POLI: variants seen among roughly 807,000 people sequenced by gnomAD.
POLI encodes the protein RAD30 homolog B.
POLI carries 58 observed loss-of-function variants against 51.6 expected under a neutral mutation model. That is an observed-to-expected ratio of 1.12 (90% confidence interval 0.91 to 1.40). The LOEUF is 1.40. Ranked by LOEUF, POLI falls within the 40% of genes most tolerant of loss-of-function variation. The pLI is 0.00. For synonymous variants in POLI, 322 were observed against 299.7 expected, an observed-to-expected ratio of 1.07 and a Z score of -0.77; for missense variants, 921 against 871.3, an observed-to-expected ratio of 1.06 and a Z score of -0.72.
downstream of POLI, among the ~76,000 whole-genome samples, chr18:54,298,677 A>G (rs934393591): frequency 7.0e-6 from 1 of 142,700 alleles, no homozygotes; most frequent in African/African-American, 2.6e-5. Context: ...TGCAACCTCC[A>G]TCTCCTGGGT....
Position 54,294,389 on chromosome 18 carries a change from A to G in POLI, c.2145A>G (p.Glu715=), listed in dbSNP as rs1422525249. Residue 715 remains glutamate, a synonymous_variant, in exon 10 of 10, where the codon GAA becomes GAG. Coordinates refer to ENST00000579534, the MANE Select transcript of POLI (RefSeq NM_007195.3). ...PSDIDPQVFY[E]LPEAVQKELL... is the part of the protein sequence containing the mutation. ...ACATTGATCCTCAAGTTTTCTATGA[A>G]CTACCAGAAGCAGTACAAAAGGAAC... 6.2e-7 allele frequency: 1 copy of G among 1,613,452 alleles called. No homozygotes were observed. Among genetic ancestry groups the G allele is most frequent in the Non-Finnish European group, 8.5e-7 (1 of 1,179,636 alleles).
chr18:54,294,224 A>C lies in POLI; in HGVS notation c.1980A>C (p.Pro660=). The change falls in exon 10 of 10, where the codon CCA becomes CCC. Residue 660 remains proline (P), a synonymous_variant. Coordinates refer to ENST00000579534, the MANE Select transcript of POLI (RefSeq NM_007195.3). ...CTGTGTCTGCTTTTCATTCATTTCCAAACTTGCAGAGTGAGCAACTTTTCT... is the reference window on the plus strand; with the variant it reads ...CTGTGTCTGCTTTTCATTCATTTCCCAACTTGCAGAGTGAGCAACTTTTCT... ...NPAVSAFHSF[P]NLQSEQLFSR... is the part of the protein sequence containing the mutation. 6.2e-7 allele frequency: 1 copy of C among 1,613,702 alleles called. No individual in the cohort carries two copies. The highest frequency in any genetic ancestry group is 8.5e-7 in the Non-Finnish European group (1 of 1,179,704).
rs193288314 is a variant in POLI, at chr18:54,279,239, T to G, written c.559+1384T>G. ...GTACAAAAAATACCCATTATGTCTT[T>G]TCTTTTTTTTTTTTTTTTTTTGAGA... On this transcript the variant is annotated intron_variant, in intron 4 of 9. Coordinates refer to ENST00000579534, the MANE Select transcript of POLI (RefSeq NM_007195.3). Among the ~76,000 whole-genome samples, 843 of 138,838 alleles carry G rather than the reference T, an allele frequency of 6.1e-3. 7 individuals carry two copies. Among genetic ancestry groups the G allele is most frequent in the African/African-American group, 0.021 (708 of 34,056 alleles). The allele number at this position is 138,838 out of a possible 152,430, so 91.1% of individuals were successfully genotyped here. A position where few individuals can be genotyped will look rare whatever the true frequency, so the allele number is the denominator to read the frequency against.
At chr18:54,300,369 C>T (rs1391543017), downstream of POLI, among the ~76,000 whole-genome samples, 1 of 152,030 alleles carries the variant, frequency 6.6e-6, no homozygotes, top group African/African-American at 2.4e-5. Flanking sequence ...TTAAACTAAA[C>T]ATGAAGTGGT....
At chr18:54,320,939 C>T (rs1328491442) in intron 4 of POLI, 1 of 152,094 alleles carries the variant, frequency 6.6e-6, no homozygotes, top group East Asian at 1.9e-4. Flanking sequence ...TGCATACCTA[C>T]AGTACTGTAT....
chr18:54,284,820 G>C lies in POLI; in HGVS notation c.1067+807G>C, dbSNP rs1272693732. 2.0e-5 allele frequency: 3 copies of C among 152,174 alleles called. No homozygotes were observed. The East Asian group carries it at 5.8e-4, about 29-fold the overall frequency. The allele number at this position is 152,174 out of a possible 1,614,324, so 9.4% of individuals were successfully genotyped here. A position where few individuals can be genotyped will look rare whatever the true frequency, so the allele number is the denominator to read the frequency against. ...GAGTAGTACAAGATAAACTGAAAAGGAAATTTAATTTTGTGGTGCTCCTTG... is the reference window on the plus strand; with the variant it reads ...GAGTAGTACAAGATAAACTGAAAAGCAAATTTAATTTTGTGGTGCTCCTTG... On this transcript the variant is annotated intron_variant, in intron 7 of 9. Coordinates refer to ENST00000579534, the MANE Select transcript of POLI (RefSeq NM_007195.3).
chr18:54,299,634 A>G (rs1332120340), downstream of POLI, among the ~76,000 whole-genome samples: 1 of 152,204 alleles, frequency 6.6e-6, no homozygotes, highest in Non-Finnish European at 1.5e-5. Context: ...GCTATGAGAC[A>G]ACTTCAGGCA....
At position 54,294,421 on chromosome 18, in the gene POLI, C is replaced by T; in HGVS notation, c.2177C>T (p.Ala726Val). ...GAAGCAGTACAAAAGGAACTGCTGGCAGAGTGGAAGAGAGCAGGATCAGAT... is the reference window on the plus strand; with the variant it reads ...GAAGCAGTACAAAAGGAACTGCTGGTAGAGTGGAAGAGAGCAGGATCAGAT... ...LPEAVQKELL[A>V]EWKRAGSDFH... The change falls in exon 10 of 10, where the codon GCA becomes GTA. Residue 726 changes from alanine to valine, a missense_variant. Physicochemically the swap from Ala to Val is moderately conservative, Grantham distance 64 (BLOSUM62 0). Coordinates refer to ENST00000579534, the MANE Select transcript of POLI (RefSeq NM_007195.3). 6.2e-7 allele frequency: 1 copy of T among 1,611,414 alleles called. No homozygotes were observed. The highest frequency in any genetic ancestry group is 1.1e-5 in the South Asian group (1 of 90,706).
intron 3 of POLI, among the ~76,000 whole-genome samples, chr18:54,307,862 G>A (rs1166708049): frequency 6.7e-6 from 1 of 149,434 alleles, no homozygotes; most frequent in Non-Finnish European, 1.5e-5. Context: ...TTTGATTTTT[G>A]TTGGTTTAAA....
rs774137997 is a variant in POLI at position 54,295,233 on chromosome 18, C to T, written c.*766C>T. 2.0e-5 allele frequency: 20 copies of T among 985,198 alleles called. No individual in the cohort carries two copies. The highest frequency in any genetic ancestry group is 2.4e-5 in the Non-Finnish European group (20 of 829,856). 61.0% of individuals were successfully genotyped at this position (985,198 alleles called of 1,614,324 possible). ...ACTGGATAATGGAAGAAGTCCATTT[C>T]TTTCTAGCTAGTTTGAAGGGCCTAA... is the stretch of plus-strand genomic sequence containing the variant. On this transcript the variant is annotated 3_prime_UTR_variant, in exon 10 of 10. Transcript: ENST00000579534.
At chr18:54,284,770 G>A (rs148432533) in intron 7 of POLI, 1 of 152,264 alleles carries the variant, frequency 6.6e-6, no homozygotes, top group African/African-American at 2.4e-5. Context: ...TATGTAAAGA[G>A]TATCAACTGG....
chr18:54,306,518 T>C (rs1301143085), intron 3 of POLI, among the ~76,000 whole-genome samples: 2 of 146,372 alleles, frequency 1.4e-5, no homozygotes, highest in East Asian at 1.9e-4. Context: ...TCATCAGGGA[T>C]ATTGGTCTAA....
chr18:54,278,407 G>C (rs1421236286), intron 4 of POLI, among the ~76,000 whole-genome samples: 1 of 152,206 alleles, frequency 6.6e-6, no homozygotes, highest in Non-Finnish European at 1.5e-5. Context: ...TCTCTAAGCA[G>C]AGTTTTCAGG....
At chr18:54,309,353 C>T (rs766376559) in intron 3 of POLI, among the ~76,000 whole-genome samples, 29 of 152,182 alleles carry the variant, frequency 1.9e-4, no homozygotes, top group African/African-American at 3.6e-4. Context: ...CTCAGCTGCA[C>T]GTCTGTTGGA....
chr18:54,314,176 C>CA lies in POLI; in HGVS notation c.334-6093dup, dbSNP rs566645018. Among the ~76,000 whole-genome samples the CA allele has an allele frequency of 2.6e-4, 39 of 152,206 alleles. 1 individual carries two copies. In the South Asian group the frequency reaches 7.5e-3, roughly 29 times the overall value. On this transcript the variant is annotated intron_variant, in intron 3 of 4. Coordinates refer to the POLI transcript ENST00000579823. ...ATCATGAGGGGATGTTGAATTTTGT[C>CA]AAAAGCCTCTTCTGGATCCATTGAG...
At chr18:54,311,744 C>T (rs537872119) in intron 3 of POLI, among the ~76,000 whole-genome samples, 1 of 152,266 alleles carries the variant, frequency 6.6e-6, no homozygotes, top group East Asian at 1.9e-4. Context: ...TAGGTTTAGC[C>T]TTAGTATGCA....
Position 54,296,671 on chromosome 18 carries a change from C to T in POLI, c.*2204C>T. 1.2e-5 allele frequency: 2 copies of T among 167,658 alleles called. No individual in the cohort carries two copies. The highest frequency in any genetic ancestry group is 2.4e-5 in the Non-Finnish European group (2 of 82,298). 10.4% of individuals were successfully genotyped at this position (167,658 alleles called of 1,614,324 possible). ...TCATATTTTTCATCCTCTTGTTTCT[C>T]TTTACTGCATTTTGGGTAATTTCAT... On this transcript the variant is annotated 3_prime_UTR_variant, in exon 10 of 10. Transcript: ENST00000579534.
In POLI at chr18:54,294,577, A is replaced by C; in HGVS notation, c.*110A>C. 1 of 1,376,648 alleles carries C rather than the reference A, an allele frequency of 7.3e-7. No homozygotes were observed. The highest frequency in any genetic ancestry group is 9.3e-7 in the Non-Finnish European group (1 of 1,069,954). The allele number at this position is 1,376,648 out of a possible 1,614,324, so 85.3% of individuals were successfully genotyped here. A position where few individuals can be genotyped will look rare whatever the true frequency, so the allele number is the denominator to read the frequency against. On this transcript the variant is annotated 3_prime_UTR_variant, in exon 10 of 10. Coordinates refer to ENST00000579534, the MANE Select transcript of POLI (RefSeq NM_007195.3). Reference sequence around the variant, plus strand: ...CTAATAGATATTCAATAACGGAGTAAACTGTTCCAGATAAAGCAAGAATAG... The same window carrying C: ...CTAATAGATATTCAATAACGGAGTACACTGTTCCAGATAAAGCAAGAATAG...
At chr18:54,272,633 G>A (rs1420255008) in intron 2 of POLI, among the ~76,000 whole-genome samples, 1 of 150,946 alleles carries the variant, frequency 6.6e-6, no homozygotes, top group African/African-American at 2.4e-5. Flanking sequence ...CACCATACTC[G>A]GTTAATTTTT....
Sources: allele counts gnomAD v4.1 joint callset (sites outside exome capture counted in the v4.1 genomes callset), GRCh38; gene constraint gnomAD v4.1.1; transcripts MANE v1.5; gene names NCBI Gene and HGNC (gene_info 2026-07-23, HGNC 2026-07-21).